MFHAS1: variants seen among roughly 807,000 people sequenced by gnomAD.
The protein encoded by MFHAS1 is multifunctional ROCO family signaling regulator 1.
Under a neutral mutation model 70.4 loss-of-function variants are expected in MFHAS1, and 50 were observed. The ratio of observed to expected loss-of-function variants is 0.71; its 90% CI spans 0.57 to 0.90. The LOEUF (loss-of-function observed/expected upper bound fraction) is 0.90, where lower values mean the gene tolerates loss of function less well. Ranked by LOEUF, MFHAS1 falls within the 40% of genes least tolerant of loss-of-function variation. MFHAS1 has a pLI of 0.00. For missense variants in MFHAS1, 1,795 were observed against 1,347.6 expected (o/e 1.33, Z -5.20); for synonymous variants, 952 against 620.0 (o/e 1.54, Z -7.96).
intron 2 of MFHAS1, among the ~76,000 whole-genome samples, chr8:8,794,055 T>C (rs1395720094): frequency 5.3e-5 from 8 of 151,962 alleles, no homozygotes; most frequent in Admixed American, 3.3e-4. Context: ...CTAGGTGTGG[T>C]TGTGTGCGCC....
rs769006332 is a variant in MFHAS1 at position 8,891,558 on chromosome 8, C to T, written c.1501G>A (p.Val501Met). The change falls in exon 1 of 3, where the codon GTG becomes ATG. Residue 501 changes from valine (V) to methionine (M), a missense_variant. Val to Met is a conservative substitution (Grantham distance 21, BLOSUM62 1). Coordinates refer to ENST00000276282, the MANE Select transcript of MFHAS1 (RefSeq NM_004225.3). This position sits in a 1 kb window ranked among gnomAD's most constrained non-coding sequence, Gnocchi z 5.4. ...FLSPGALYVLVVNLATYEPRH... is the reference protein window; with the variant it reads ...FLSPGALYVLMVNLATYEPRH... Reference sequence around the variant, plus strand: ...GGCTCATAGGTGGCCAAGTTGACCACCAGCACGTATAGGGCCCCTGGGGAC... The same window carrying T: ...GGCTCATAGGTGGCCAAGTTGACCATCAGCACGTATAGGGCCCCTGGGGAC... The T allele has an allele frequency of 1.9e-5, 30 of 1,613,058 alleles. 1 individual carries two copies. Among genetic ancestry groups the T allele is most frequent in the Admixed American group, 3.3e-5 (2 of 60,012 alleles).
At chr8:8,809,817 T>C (rs1438867004) in intron 1 of MFHAS1, among the ~76,000 whole-genome samples, 3 of 152,184 alleles carry the variant, frequency 2.0e-5, no homozygotes, top group Admixed American at 6.5e-5. Flanking sequence ...CTGAAGTGCT[T>C]TCAAAAGGTT....
chr8:8,859,721 C>T (rs559997716), intron 1 of MFHAS1, among the ~76,000 whole-genome samples: 2 of 152,252 alleles, frequency 1.3e-5, no homozygotes, highest in African/African-American at 4.8e-5. Flanking sequence ...AATATAGTAT[C>T]TAATATCTAT....
chr8:8,845,053 C>A (rs1286797858), intron 1 of MFHAS1, among the ~76,000 whole-genome samples: 1 of 152,204 alleles, frequency 6.6e-6, no homozygotes. Flanking sequence ...GATTAAGATA[C>A]AACTACCCTC....
intron 1 of MFHAS1, among the ~76,000 whole-genome samples, chr8:8,815,438 C>T (rs1806706139): frequency 1.3e-5 from 2 of 152,148 alleles, no homozygotes; most frequent in African/African-American, 4.8e-5. Context: ...TGAGGAATTG[C>T]CACACTGTCT....
At chr8:8,787,991 A>G (rs747510134) in intron 2 of MFHAS1, among the ~76,000 whole-genome samples, 14 of 152,218 alleles carry the variant, frequency 9.2e-5, no homozygotes, top group Non-Finnish European at 1.8e-4. Context: ...CTCTAGCTCC[A>G]TAAACTTGTC....
In MFHAS1 at chr8:8,787,074, G is replaced by A. The variant is rs7819416; in HGVS notation, c.3126-1019C>T. On this transcript the variant is annotated intron_variant, in intron 2 of 2. Coordinates refer to ENST00000276282, the MANE Select transcript of MFHAS1 (RefSeq NM_004225.3). ...CACCATGTAAGCTCCATCTTACTCA[G>A]TATTATTATTATTTTTTTTTTTTTG... Among the ~76,000 whole-genome samples, 471 of 124,948 alleles carry A rather than the reference G, an allele frequency of 3.8e-3. 1 individual carries two copies. Among genetic ancestry groups the A allele is most frequent in the African/African-American group, 0.014 (448 of 32,264 alleles). 82.0% of individuals were successfully genotyped at this position (124,948 alleles called of 152,430 possible).
In MFHAS1 at chr8:8,891,699, C is replaced by G; in HGVS notation, c.1360G>C (p.Val454Leu). 1.2e-6 allele frequency: 2 copies of G among 1,613,556 alleles called. No homozygotes were observed. The highest frequency in any genetic ancestry group is 8.5e-7 in the Non-Finnish European group (1 of 1,180,034). Residue 454 changes from valine to leucine, a missense_variant, in exon 1 of 3, where the codon GTG (valine) becomes CTG (leucine). Coordinates refer to ENST00000276282, the MANE Select transcript of MFHAS1 (RefSeq NM_004225.3). The surrounding 1 kb of genome is among the most constrained non-coding windows in gnomAD (Gnocchi z 5.4). ...EKCYPPSPPPVSKGIEVTSWT... is the reference protein window; with the variant it reads ...EKCYPPSPPPLSKGIEVTSWT... ...CTGGTCACCTCGATGCCCTTGCTCA[C>G]AGGGGGAGGTGACGGTGGGTAGCAC...
intron 2 of MFHAS1, among the ~76,000 whole-genome samples, chr8:8,791,952 C>G (rs1650666317): frequency 6.6e-6 from 1 of 152,116 alleles, no homozygotes; most frequent in African/African-American, 2.4e-5. Flanking sequence ...CTTTAAAACT[C>G]AGAAATCGGC....
At chr8:8,864,374 C>A (rs1018233987) in intron 1 of MFHAS1, among the ~76,000 whole-genome samples, 1 of 152,200 alleles carries the variant, frequency 6.6e-6, no homozygotes, top group African/African-American at 2.4e-5. Flanking sequence ...TGGCCCTGCC[C>A]GACTCCTCCT....
intron 1 of MFHAS1, among the ~76,000 whole-genome samples, chr8:8,804,810 C>T (rs1440251057): frequency 6.6e-5 from 10 of 152,248 alleles, no homozygotes; most frequent in South Asian, 6.2e-4. Flanking sequence ...GCACGGATGA[C>T]GGGCGCCTTT....
intron 1 of MFHAS1, among the ~76,000 whole-genome samples, chr8:8,858,929 G>C (rs1241690834): frequency 6.6e-6 from 1 of 152,196 alleles, no homozygotes; most frequent in African/African-American, 2.4e-5. Context: ...CCAGATATCT[G>C]TTTTATATTT....
Position 8,891,392 on chromosome 8 carries a change from C to T in MFHAS1, c.1667G>A (p.Arg556His), listed in dbSNP as rs147123199. The T allele has an allele frequency of 4.6e-5, 74 of 1,611,974 alleles. No individual in the cohort carries two copies. Among genetic ancestry groups the T allele is most frequent in the Non-Finnish European group, 6.2e-5 (73 of 1,180,026 alleles). Reference protein sequence around the residue: ...ELEEKCLDIHRQIALQEKHDA... With the variant: ...ELEEKCLDIHHQIALQEKHDA... ...GTGCTTCTCCTGCAGGGCGATCTGG[C>T]GGTGAATGTCCAGACATTTCTCCTC... is the stretch of plus-strand genomic sequence containing the variant. Residue 556 changes from arginine (R) to histidine (H), a missense_variant, in exon 1 of 3, where the codon CGC (arginine) becomes CAC (histidine). Arg to His is a conservative substitution (Grantham distance 29, BLOSUM62 0). Coordinates refer to ENST00000276282, the MANE Select transcript of MFHAS1 (RefSeq NM_004225.3). The surrounding 1 kb of genome is among the most constrained non-coding windows in gnomAD (Gnocchi z 5.4).
chr8:8,830,816 C>A (rs1361632303), intron 1 of MFHAS1, among the ~76,000 whole-genome samples: 1 of 152,184 alleles, frequency 6.6e-6, no homozygotes, highest in African/African-American at 2.4e-5. Context: ...AGGCTGGTCT[C>A]AAACTCCTGA....
intron 1 of MFHAS1, among the ~76,000 whole-genome samples, chr8:8,836,364 C>A (rs1222066013): frequency 6.6e-6 from 1 of 152,014 alleles, no homozygotes; most frequent in Non-Finnish European, 1.5e-5. Flanking sequence ...ACCCAGCTTT[C>A]CTTTCTACTT....
At chr8:8,814,137 C>T (rs1203349411) in intron 1 of MFHAS1, among the ~76,000 whole-genome samples, 2 of 152,076 alleles carry the variant, frequency 1.3e-5, no homozygotes, top group Admixed American at 1.3e-4. Context: ...AGGGTTTCGC[C>T]ATGTTGGCCA....
intron 1 of MFHAS1, among the ~76,000 whole-genome samples, chr8:8,813,230 C>T (rs575294360): frequency 4.4e-4 from 67 of 152,158 alleles, no homozygotes; most frequent in Non-Finnish European, 8.2e-4. Context: ...ACTTCACTGC[C>T]AGTCATAAAA....
intron 1 of MFHAS1, among the ~76,000 whole-genome samples, chr8:8,869,723 C>T (rs375389068): frequency 6.6e-6 from 1 of 152,104 alleles, no homozygotes; most frequent in East Asian, 1.9e-4. Flanking sequence ...CTTCTTCCCG[C>T]TGTGGTTAAA....
At chr8:8,832,056 G>GCACACACA (rs1464235374) in intron 1 of MFHAS1, among the ~76,000 whole-genome samples, 225 of 136,080 alleles carry the variant, frequency 1.7e-3, no homozygotes, top group African/African-American at 5.2e-3. Context: ...GCACGCGCGC[G>GCACACACA]CGCGCGCACA....
Sources: gnomAD v4.1 joint callset for allele counts (sites outside exome capture counted in the v4.1 genomes callset) on GRCh38, gnomAD v4.1.1 for gene constraint, Gnocchi (gnomAD v3.1) non-coding constraint, MANE v1.5 for transcripts, NCBI Gene and HGNC (gene_info 2026-07-23, HGNC 2026-07-21) for gene names.